The following CAMTA1 variants were observed in gnomAD, a reference collection of about 807,000 sequenced individuals.
CAMTA1 encodes the protein calmodulin-binding transcription activator 1.
Under a neutral mutation model 170.9 loss-of-function variants are expected in CAMTA1, and 27 were observed. That is an observed-to-expected ratio of 0.16 (90% CI 0.12 to 0.22). The LOEUF is 0.22. Ranked by LOEUF, CAMTA1 falls within the 10% of genes least tolerant of loss-of-function variation. The pLI, the probability that CAMTA1 is intolerant of heterozygous loss-of-function variation, is 1.00. For missense variants in CAMTA1, 1,619 were observed against 2,217.2 expected, an observed-to-expected ratio of 0.73 and a Z score of 5.42; for synonymous variants, 833 against 891.5, an observed-to-expected ratio of 0.93 and a Z score of 1.17.
chr1:7,270,289 A>ATTTTTTTTTTTTTTTTTTTTTTTT (rs1395986038), intron 5 of CAMTA1, among the ~76,000 whole-genome samples: 1 of 112,776 alleles, frequency 8.9e-6, no homozygotes. Context: ...ATATATATAT[A>ATTTTTTTTTTTTTTTTTTTTTTTT]TATTTTTTTT....
At chr1:7,276,303 A>ATATATAATTTTTTTTT in intron 5 of CAMTA1, among the ~76,000 whole-genome samples, 1 of 24,234 alleles carries the variant, frequency 4.1e-5, no homozygotes, top group African/African-American at 3.0e-4. Context: ...ATATATATAT[A>ATATATAATTTTTTTTT]TTTTTTTTTT....
chr1:6,838,037 A>G (rs575750298), intron 3 of CAMTA1, among the ~76,000 whole-genome samples: 1 of 152,294 alleles, frequency 6.6e-6, no homozygotes, highest in South Asian at 2.1e-4. Context: ...CATGGCATAC[A>G]TGTATGTATG....
At chr1:7,697,658 G>C (rs1195820992) in intron 11 of CAMTA1, among the ~76,000 whole-genome samples, 4 of 152,204 alleles carry the variant, frequency 2.6e-5, no homozygotes, top group Admixed American at 6.5e-5. Context: ...AGCCAGCAGG[G>C]AGAATGAGTT....
At chr1:7,140,347 T>C (rs1442698648) in intron 4 of CAMTA1, among the ~76,000 whole-genome samples, 1 of 152,204 alleles carries the variant, frequency 6.6e-6, no homozygotes, top group African/African-American at 2.4e-5. Context: ...GAGAAAGTGG[T>C]ACTTTAATTT....
rs2096207794 is a variant in CAMTA1 at position 7,681,759 on chromosome 1, T to C, written c.2914+4026T>C. Among the ~76,000 whole-genome samples, 1 of 146,606 alleles carries C rather than the reference T, an allele frequency of 6.8e-6. No homozygotes were observed. The highest frequency in any genetic ancestry group is 1.5e-5 in the Non-Finnish European group (1 of 65,814). The stretch of plus-strand genomic sequence containing the variant: ...GGATGCTGTCTGTGTAGATTTGGCC[T>C]CGCCTGTGCCTGTGTTTACAAAGAG... On this transcript the variant is annotated intron_variant, in intron 11 of 22. Transcript: ENST00000303635. The surrounding 1 kb of genome is among the most constrained non-coding windows in gnomAD (Gnocchi z 4.6).
chr1:6,865,256 G>A (rs190929059), intron 3 of CAMTA1, among the ~76,000 whole-genome samples: 7 of 152,306 alleles, frequency 4.6e-5, no homozygotes, highest in Admixed American at 4.6e-4. Context: ...GCTGTGGTGG[G>A]TACAGTAGTG....
intron 6 of CAMTA1, among the ~76,000 whole-genome samples, chr1:7,489,684 G>A (rs1189624090): frequency 2.6e-5 from 4 of 152,164 alleles, no homozygotes; most frequent in Non-Finnish European, 5.9e-5. Flanking sequence ...ATACACACTC[G>A]TTAAAGTGGC....
chr1:7,626,720 G>A (rs933708767), intron 6 of CAMTA1, among the ~76,000 whole-genome samples: 5 of 152,166 alleles, frequency 3.3e-5, no homozygotes, highest in East Asian at 1.9e-4. Flanking sequence ...TGTCTGCTGC[G>A]TGACGTTCAA....
At position 7,634,054 on chromosome 1, in the gene CAMTA1, G is replaced by C. The variant is rs975280223; in HGVS notation, c.511-6346G>C. Among the ~76,000 whole-genome samples, 1 of 152,184 alleles carries C rather than the reference G, an allele frequency of 6.6e-6. No individual in the cohort carries two copies. On this transcript the variant is annotated intron_variant, in intron 6 of 22. Coordinates refer to ENST00000303635, the MANE Select transcript of CAMTA1 (RefSeq NM_015215.4). This position sits in a 1 kb window ranked among gnomAD's most constrained non-coding sequence, Gnocchi z 6.2. Reference sequence around the variant, plus strand: ...AGCACAGGTGGCCCGGCCTGGAACCGTGGCAGGAGTGTGGGCCTGATCTCA... The same window carrying C: ...AGCACAGGTGGCCCGGCCTGGAACCCTGGCAGGAGTGTGGGCCTGATCTCA...
chr1:7,422,418 C>T (rs915986995), intron 5 of CAMTA1, among the ~76,000 whole-genome samples: 1 of 152,010 alleles, frequency 6.6e-6, no homozygotes, highest in East Asian at 1.9e-4. Context: ...CACGGACAGG[C>T]GAGAGGACAT....
At position 7,147,349 on chromosome 1, in the gene CAMTA1, G is replaced by A. The variant is rs531390354; in HGVS notation, c.302+55978G>A. On this transcript the variant is annotated intron_variant, in intron 4 of 22. Transcript: ENST00000303635. ...TGAGGCAGGAGAATGGCGTGAACCCGGGAGGTGGAGCTTGCAGTGAGCCGA... is the reference window on the plus strand; with the variant it reads ...TGAGGCAGGAGAATGGCGTGAACCCAGGAGGTGGAGCTTGCAGTGAGCCGA... Among the ~76,000 whole-genome samples the A allele has an allele frequency of 5.9e-5, 9 of 151,456 alleles. No individual in the cohort carries two copies. In the East Asian group the frequency reaches 1.6e-3, roughly 26 times the overall value.
chr1:7,135,987 A>C (rs1645519975), intron 4 of CAMTA1, among the ~76,000 whole-genome samples: 1 of 152,176 alleles, frequency 6.6e-6, no homozygotes, highest in Non-Finnish European at 1.5e-5. Flanking sequence ...TTCAAAGCCA[A>C]CTTTTTACTT....
At chr1:7,577,803 A>G (rs1455263909) in intron 6 of CAMTA1, among the ~76,000 whole-genome samples, 1 of 152,182 alleles carries the variant, frequency 6.6e-6, no homozygotes, top group African/African-American at 2.4e-5. Context: ...CAGAGGCAAT[A>G]TATCGATGAA....
At chr1:6,981,717 T>C (rs941111588) in intron 3 of CAMTA1, among the ~76,000 whole-genome samples, 9 of 152,194 alleles carry the variant, frequency 5.9e-5, no homozygotes, top group African/African-American at 2.2e-4. Context: ...ATTACAGGCA[T>C]GAGCCACCAT....
At position 7,635,811 on chromosome 1, in the gene CAMTA1, A is replaced by T. The variant is rs568513336; in HGVS notation, c.511-4589A>T. Among the ~76,000 whole-genome samples, 1 of 152,322 alleles carries T rather than the reference A, an allele frequency of 6.6e-6. No homozygotes were observed. Among genetic ancestry groups the T allele is most frequent in the Non-Finnish European group, 1.5e-5 (1 of 68,024 alleles). Reference sequence around the variant, plus strand: ...ATGAAACTGATACATTAGGACTCCAAGCTAATATATTTTTCTGCCAAAAAC... The same window carrying T: ...ATGAAACTGATACATTAGGACTCCATGCTAATATATTTTTCTGCCAAAAAC... On this transcript the variant is annotated intron_variant, in intron 6 of 22. Transcript: ENST00000303635. This position sits in a 1 kb window ranked among gnomAD's most constrained non-coding sequence, Gnocchi z 4.4.
intron 5 of CAMTA1, among the ~76,000 whole-genome samples, chr1:7,265,511 G>T (rs368067847): frequency 6.6e-6 from 1 of 151,796 alleles, no homozygotes; most frequent in Non-Finnish European, 1.5e-5. Flanking sequence ...ACAGGGTTTC[G>T]CCATGTTGGC....
At chr1:7,133,027 A>G (rs1645350846) in intron 4 of CAMTA1, among the ~76,000 whole-genome samples, 1 of 151,994 alleles carries the variant, frequency 6.6e-6, no homozygotes, top group Non-Finnish European at 1.5e-5. Context: ...TATGTGTTTG[A>G]GGGATATTTT....
At chr1:7,457,429 G>C (rs1054426890) in intron 5 of CAMTA1, among the ~76,000 whole-genome samples, 26 of 152,186 alleles carry the variant, frequency 1.7e-4, no homozygotes, top group African/African-American at 6.3e-4. Flanking sequence ...GGTGAGGGGA[G>C]GTGGGTGGGG....
chr1:6,791,112 CT>C (rs35656164), intron 1 of CAMTA1, among the ~76,000 whole-genome samples: 84,139 of 129,050 alleles, frequency 0.65, 27,355 homozygotes, highest in Admixed American at 0.74. Context: ...GTACCCTGTC[CT>C]TTTTTTTTTT....
Sources: gnomAD v4.1 joint callset for allele counts (sites outside exome capture counted in the v4.1 genomes callset) on GRCh38, gnomAD v4.1.1 for gene constraint, Gnocchi (gnomAD v3.1) non-coding constraint, MANE v1.5 for transcripts, NCBI Gene and HGNC (gene_info 2026-07-23, HGNC 2026-07-21) for gene names.